OR51B5: variants seen among roughly 807,000 people sequenced by gnomAD.
The protein encoded by OR51B5 is olfactory receptor family 51 subfamily B member 5.
For missense variants in OR51B5, 456 were observed against 374.6 expected (o/e 1.22, Z -1.79); for synonymous variants, 186 against 144.8 (o/e 1.28, Z -2.04).
chr11:5,453,683 G>A, intron 1 of OR51B5: 1 of 1,613,670 alleles, frequency 6.2e-7, no homozygotes, highest in Non-Finnish European at 8.5e-7. Context: ...TCCTGTCCAT[G>A]TTGTCCTTCA....
rs570095154 is a variant in OR51B5 at position 5,354,513 on chromosome 11, C to G, written n.85-7603G>C. ...GTGAAAGACTGGGACTTGCAGTTCT[C>G]TTTGTGGAGTCCCGTGAAACAGAGC... On this transcript the variant is annotated intron_variant and non_coding_transcript_variant, in intron 1 of 4. Coordinates refer to the OR51B5 transcript ENST00000415970. Among the ~76,000 whole-genome samples, 20 of 152,302 alleles carry G rather than the reference C, an allele frequency of 1.3e-4. No homozygotes were observed. The South Asian group carries it at 4.1e-3, about 32-fold the overall frequency.
intron 1 of OR51B5, among the ~76,000 whole-genome samples, chr11:5,413,668 G>A (rs1396578914): frequency 6.6e-6 from 1 of 152,164 alleles, no homozygotes; most frequent in African/African-American, 2.4e-5. Flanking sequence ...CAATCAACTG[G>A]AAGAAAGGGT....
rs755994177 is a variant in OR51B5, at chr11:5,422,589, GTCC to G, written n.85-75682_85-75680del. 11 of 1,613,964 alleles carry G rather than the reference GTCC, an allele frequency of 6.8e-6. No individual in the cohort carries two copies. The African/African-American group carries it at 1.3e-4, about 20-fold the overall frequency. On this transcript the variant is annotated intron_variant and non_coding_transcript_variant, in intron 1 of 4. Coordinates refer to the OR51B5 transcript ENST00000415970. ...GTTGACTGCTATGTGGCCATCTGCT[GTCC>G]CCTCCATTATGCCTCCATCCTCACC...
At chr11:5,422,663 G>A (rs10838094) in intron 1 of OR51B5, 647,794 of 1,612,344 alleles carry the variant, frequency 0.4, 133,702 homozygotes, top group East Asian at 0.68. Context: ...TTGCTGCTGT[G>A]TTCTGGCGGT....
At chr11:5,439,458 A>T (rs1850641936) in intron 1 of OR51B5, among the ~76,000 whole-genome samples, 1 of 152,170 alleles carries the variant, frequency 6.6e-6, no homozygotes, top group Non-Finnish European at 1.5e-5. Flanking sequence ...CTTGTGCCCC[A>T]GTGTCCCAGT....
At chr11:5,393,909 C>T (rs11037215) in intron 1 of OR51B5, among the ~76,000 whole-genome samples, 19,664 of 152,124 alleles carry the variant, frequency 0.13, 1,349 homozygotes, top group South Asian at 0.16. Flanking sequence ...CAGGACCACT[C>T]GTTTCAGGGC....
At chr11:5,357,015 C>T (rs1012090046) in intron 1 of OR51B5, among the ~76,000 whole-genome samples, 1 of 151,988 alleles carries the variant, frequency 6.6e-6, no homozygotes, top group Admixed American at 6.5e-5. Flanking sequence ...CCAGCCACTG[C>T]AAAAACATGC....
At chr11:5,347,674 A>G (rs936235140), upstream of OR51B5, among the ~76,000 whole-genome samples, 3 of 152,194 alleles carry the variant, frequency 2.0e-5, no homozygotes, top group African/African-American at 7.2e-5. Flanking sequence ...AGTAAAAGCC[A>G]GGACAGAGAC....
intron 1 of OR51B5, among the ~76,000 whole-genome samples, chr11:5,370,807 T>A (rs1849436228): frequency 6.6e-6 from 1 of 152,166 alleles, no homozygotes; most frequent in Non-Finnish European, 1.5e-5. Flanking sequence ...AAAAATTTGA[T>A]GCAATAGAGA....
chr11:5,496,793 G>A (rs1017953471), intron 1 of OR51B5, among the ~76,000 whole-genome samples: 13 of 152,222 alleles, frequency 8.5e-5, no homozygotes, highest in Non-Finnish European at 2.9e-5. Context: ...GGAGCCAGTA[G>A]GCTGCAGTAG....
At chr11:5,505,579 A>T (rs1326756100) in exon 1 of OR51B5, 1 of 897,820 alleles carries the variant, frequency 1.1e-6, no homozygotes, top group Non-Finnish European at 1.5e-6. Flanking sequence ...AGTTCCACAT[A>T]GCTGGGGAGG....
At chr11:5,430,596 C>G (rs1589992550) in intron 1 of OR51B5, 3 of 404,092 alleles carry the variant, frequency 7.4e-6, no homozygotes, top group African/African-American at 6.2e-5. Context: ...TTGCCCATAG[C>G]AGAAACATTA....
intron 1 of OR51B5, chr11:5,422,843 C>G: frequency 1.2e-6 from 2 of 1,614,184 alleles, no homozygotes; most frequent in Non-Finnish European, 1.7e-6. Context: ...GGATCCTCTG[C>G]TCATTGTGAT....
intron 1 of OR51B5, chr11:5,390,255 T>G (rs919588226): frequency 5.0e-6 from 8 of 1,614,050 alleles, no homozygotes; most frequent in Non-Finnish European, 6.8e-6. Context: ...GCTATTCATC[T>G]TCTTATGGCC....
At chr11:5,343,686 G>A, upstream of OR51B5, 1 of 525,260 alleles carries the variant, frequency 1.9e-6, no homozygotes, top group Non-Finnish European at 3.3e-6. Context: ...CATTCTCAGG[G>A]TTACTCATAC....
At chr11:5,389,222 C>T (rs1020629747) in intron 1 of OR51B5, among the ~76,000 whole-genome samples, 7 of 151,974 alleles carry the variant, frequency 4.6e-5, no homozygotes, top group African/African-American at 1.7e-4. Context: ...CTGGTGAGGG[C>T]GAGGTTATCA....
At chr11:5,488,970 G>A in intron 1 of OR51B5, 1 of 1,614,064 alleles carries the variant, frequency 6.2e-7, no homozygotes, top group Non-Finnish European at 8.5e-7. Context: ...TGGCCATTTT[G>A]TGGCTCCATG....
chr11:5,393,881 G>C (rs1020749957), intron 1 of OR51B5, among the ~76,000 whole-genome samples: 2 of 152,178 alleles, frequency 1.3e-5, no homozygotes, highest in East Asian at 1.9e-4. Flanking sequence ...AAACCATTAT[G>C]CTGGACTCCT....
At chr11:5,453,637 G>C (rs148530767) in intron 1 of OR51B5, 6 of 1,613,576 alleles carry the variant, frequency 3.7e-6, no homozygotes, top group Admixed American at 1.7e-5. Context: ...CAGGCTGTGC[G>C]AGTGGAGCCC....
Sources: allele counts gnomAD v4.1 joint callset (sites outside exome capture counted in the v4.1 genomes callset), GRCh38; gene constraint gnomAD v4.1.1; transcripts MANE v1.5; gene names NCBI Gene and HGNC (gene_info 2026-07-23, HGNC 2026-07-21).